THRAP3: variants seen among roughly 807,000 people sequenced by gnomAD.
THRAP3 encodes thyroid hormone receptor associated protein 3.
In THRAP3, 16 loss-of-function variants were observed where a neutral mutation model predicts 101.0. The observed-to-expected ratio is 0.16, with a 90% CI of 0.11 to 0.24. THRAP3 has a LOEUF of 0.24. Among genes scored for constraint, THRAP3 ranks in the 10% least tolerant of loss-of-function variants. The pLI, the probability that THRAP3 is intolerant of heterozygous loss-of-function variation, is 1.00. For synonymous variants in THRAP3, 407 were observed against 422.6 expected, an observed-to-expected ratio of 0.96 and a Z score of 0.45; for missense variants, 989 against 1,202.7, an observed-to-expected ratio of 0.82 and a Z score of 2.63.
At chr1:36,274,717 C>G (rs1570308854) in intron 2 of THRAP3, among the ~76,000 whole-genome samples, 1 of 136,376 alleles carries the variant, frequency 7.3e-6, no homozygotes, top group Admixed American at 8.3e-5. Context: ...ACTGCAACCT[C>G]TACCTCCCGG....
intron 1 of THRAP3, among the ~76,000 whole-genome samples, chr1:36,247,004 C>T (rs1437988930): frequency 6.6e-6 from 1 of 152,032 alleles, no homozygotes; most frequent in Non-Finnish European, 1.5e-5. Context: ...TCTCAAGGGC[C>T]TTTCTTAGTC....
At chr1:36,294,541 TA>T (rs1477924742) in intron 8 of THRAP3, among the ~76,000 whole-genome samples, 1 of 152,238 alleles carries the variant, frequency 6.6e-6, no homozygotes, top group African/African-American at 2.4e-5. Context: ...AATTGGGCTT[TA>T]AAAAAATCTT....
intron 1 of THRAP3, among the ~76,000 whole-genome samples, chr1:36,243,409 A>G (rs1045488515): frequency 5.9e-5 from 9 of 151,764 alleles, no homozygotes; most frequent in Non-Finnish European, 1.3e-4. Context: ...CTTAAGGAGC[A>G]TGCTGCCTTC....
At chr1:36,226,105 C>T (rs1435822445) in intron 1 of THRAP3, among the ~76,000 whole-genome samples, 1 of 152,038 alleles carries the variant, frequency 6.6e-6, no homozygotes, top group Non-Finnish European at 1.5e-5. Flanking sequence ...TATATAGGTA[C>T]TTTTAAATTT....
intron 2 of THRAP3, among the ~76,000 whole-genome samples, chr1:36,271,300 C>G (rs1365478043): frequency 6.6e-6 from 1 of 151,920 alleles, no homozygotes. Context: ...TTTTTTCCCC[C>G]AAGATGGAGT....
chr1:36,220,972 A>AAAAAAT (rs1285765741), upstream of THRAP3, among the ~76,000 whole-genome samples: 16 of 94,116 alleles, frequency 1.7e-4, no homozygotes, highest in African/African-American at 4.7e-4. Context: ...AAAAAAAAAA[A>AAAAAAT]ATATATATAT....
At chr1:36,291,875 C>T (rs187333506) in intron 6 of THRAP3, among the ~76,000 whole-genome samples, 2 of 152,242 alleles carry the variant, frequency 1.3e-5, no homozygotes, top group African/African-American at 4.8e-5. Context: ...CTCTTATGGA[C>T]CTTCTGGTGT....
chr1:36,220,672 G>A (rs1339310303), upstream of THRAP3, among the ~76,000 whole-genome samples: 1 of 152,012 alleles, frequency 6.6e-6, no homozygotes, highest in East Asian at 1.9e-4. Flanking sequence ...CTGAGACCTC[G>A]GCTGGGCACA....
chr1:36,286,850 C>G lies in THRAP3; in HGVS notation c.620C>G (p.Ser207Cys). Reference protein sequence around the residue: ...QGDEAKEQTFSGGTSQDTKAS... With the variant: ...QGDEAKEQTFCGGTSQDTKAS... ...GATGAGGCCAAGGAGCAGACATTCT[C>G]TGGAGGCACCTCTCAAGATACAAAA... Residue 207 changes from serine (S) to cysteine (C), a missense_variant, in exon 4 of 12, where the codon TCT (serine) becomes TGT (cysteine). By Grantham distance (112) the Ser-to-Cys change is moderately radical (BLOSUM62 -1). Coordinates refer to ENST00000354618, the MANE Select transcript of THRAP3 (RefSeq NM_005119.4). The surrounding 1 kb of genome is among the most constrained non-coding windows in gnomAD (Gnocchi z 5.5). 1 of 1,614,190 alleles carries G rather than the reference C, an allele frequency of 6.2e-7. No homozygotes were observed. Among genetic ancestry groups the G allele is most frequent in the Middle Eastern group, 1.7e-4 (1 of 6,060 alleles).
At chr1:36,256,115 C>G (rs1013716877) in intron 1 of THRAP3, among the ~76,000 whole-genome samples, 1 of 151,804 alleles carries the variant, frequency 6.6e-6, no homozygotes, top group Admixed American at 6.6e-5. Flanking sequence ...CTCTTGGGCT[C>G]AGGCAGTTCT....
intron 1 of THRAP3, among the ~76,000 whole-genome samples, chr1:36,235,375 A>G (rs1235746056): frequency 6.6e-6 from 1 of 152,196 alleles, no homozygotes; most frequent in Non-Finnish European, 1.5e-5. Context: ...AATGAGAAAC[A>G]CTCAGAACCC....
chr1:36,289,100 G>A lies in THRAP3; in HGVS notation c.1081G>A (p.Glu361Lys). Residue 361 changes from glutamate (E) to lysine (K), a missense_variant, in exon 5 of 12, where the codon GAA (glutamate) becomes AAA (lysine). Coordinates refer to ENST00000354618, the MANE Select transcript of THRAP3 (RefSeq NM_005119.4). ...EQKTENGKDK[E>K]QKQTNTDKEK... Reference sequence around the variant, plus strand: ...GAAGACAGAGAATGGAAAAGATAAGGAACAGAAACAAACAAATACCGATAA... The same window carrying A: ...GAAGACAGAGAATGGAAAAGATAAGAAACAGAAACAAACAAATACCGATAA... 1 of 1,606,462 alleles carries A rather than the reference G, an allele frequency of 6.2e-7. No individual in the cohort carries two copies. The highest frequency in any genetic ancestry group is 8.5e-7 in the Non-Finnish European group (1 of 1,177,998).
At chr1:36,249,685 A>AGTGTGTCT (rs1645274219) in intron 1 of THRAP3, among the ~76,000 whole-genome samples, 1 of 138,114 alleles carries the variant, frequency 7.2e-6, no homozygotes, top group Non-Finnish European at 1.6e-5. Context: ...GCAGGTGGTG[A>AGTGTGTCT]GTGTGTGTGT....
chr1:36,228,358 T>C (rs981393115), intron 1 of THRAP3, among the ~76,000 whole-genome samples: 7 of 152,182 alleles, frequency 4.6e-5, no homozygotes, highest in Non-Finnish European at 5.9e-5. Context: ...GCTGGAATTA[T>C]AGGCATCCGC....
At chr1:36,297,206 C>T (rs1442361035) in intron 9 of THRAP3, among the ~76,000 whole-genome samples, 2 of 152,110 alleles carry the variant, frequency 1.3e-5, no homozygotes, top group Admixed American at 6.5e-5. Flanking sequence ...TCTTAAGTGC[C>T]TTTTAAACTA....
At chr1:36,296,114 CA>C (rs1162276595) in intron 8 of THRAP3, among the ~76,000 whole-genome samples, 2 of 151,828 alleles carry the variant, frequency 1.3e-5, no homozygotes, top group African/African-American at 2.4e-5. Flanking sequence ...GCTGGGATTA[CA>C]GGCACACGCC....
intron 8 of THRAP3, among the ~76,000 whole-genome samples, chr1:36,295,348 C>G (rs887308194): frequency 6.6e-6 from 1 of 151,666 alleles, no homozygotes; most frequent in Non-Finnish European, 1.5e-5. Context: ...ATGAACTGCT[C>G]ATTTCTTCCT....
intron 1 of THRAP3, among the ~76,000 whole-genome samples, chr1:36,231,953 A>G (rs1645032928): frequency 6.6e-6 from 1 of 152,280 alleles, no homozygotes; most frequent in Non-Finnish European, 1.5e-5. Context: ...GGTGTGGTTC[A>G]CGCCTGTAAT....
rs116145752 is a variant in THRAP3, at chr1:36,237,826, T to C, written c.-135+13321T>C. On this transcript the variant is annotated intron_variant, in intron 1 of 11. Transcript: ENST00000354618. ...AGGTAGGAAATAGGTTTTTTTTGTG[T>C]GTGTGTGTGTTTTTGGAGACAACCT... 9.6e-3 allele frequency among the ~76,000 whole-genome samples: 1,463 copies of C among 151,854 alleles called. 16 individuals are homozygous for C. The highest frequency in any genetic ancestry group is 0.034 in the African/African-American group (1,402 of 41,394).
Sources: allele counts gnomAD v4.1 joint callset (sites outside exome capture counted in the v4.1 genomes callset), GRCh38; gene constraint gnomAD v4.1.1; non-coding constraint Gnocchi (gnomAD v3.1); transcripts MANE v1.5; gene names NCBI Gene and HGNC (gene_info 2026-07-23, HGNC 2026-07-21).